The following C1orf21 variants were observed in gnomAD, a reference collection of about 807,000 sequenced individuals.
C1orf21 encodes the protein chromosome 1 open reading frame 21, also known as uncharacterized protein C1orf21.
Under a neutral mutation model 18.7 loss-of-function variants are expected in C1orf21, and 3 were observed. That is an observed-to-expected ratio of 0.16 (90% CI 0.07 to 0.42). C1orf21 has a LOEUF of 0.42. C1orf21 is among the 10% of genes least tolerant of loss of function. The pLI, the probability that C1orf21 is intolerant of heterozygous loss-of-function variation, is 0.99. For synonymous variants in C1orf21, 41 were observed against 46.4 expected, an observed-to-expected ratio of 0.88 and a Z score of 0.47; for missense variants, 104 against 143.6, an observed-to-expected ratio of 0.72 and a Z score of 1.41.
intron 5 of C1orf21, among the ~76,000 whole-genome samples, chr1:184,603,383 TCA>T (rs1298160693): frequency 6.6e-6 from 1 of 152,264 alleles, no homozygotes; most frequent in Non-Finnish European, 1.5e-5. Flanking sequence ...CTAGTGCATC[TCA>T]CATATTCCTG....
chr1:184,622,427 G>C lies in C1orf21; in HGVS notation c.*2871G>C, dbSNP rs1182447293. Reference sequence around the variant, plus strand: ...CTTATGTCCTCTGAGTTGTAGAGTTGTAAAAGTTCAGCAGTGTGTGCACAG... The same window carrying C: ...CTTATGTCCTCTGAGTTGTAGAGTTCTAAAAGTTCAGCAGTGTGTGCACAG... On this transcript the variant is annotated 3_prime_UTR_variant, in exon 6 of 6. Coordinates refer to ENST00000235307, the MANE Select transcript of C1orf21 (RefSeq NM_030806.4). The C allele has an allele frequency of 3.3e-5, 5 of 152,672 alleles. No individual in the cohort carries two copies. Among genetic ancestry groups the C allele is most frequent in the Admixed American group, 3.3e-4 (5 of 15,288 alleles). The allele number at this position is 152,672 out of a possible 1,614,324, so 9.5% of individuals were successfully genotyped here.
intron 3 of C1orf21, among the ~76,000 whole-genome samples, chr1:184,590,537 C>A (rs1427146501): frequency 6.6e-6 from 1 of 152,170 alleles, no homozygotes; most frequent in East Asian, 1.9e-4. Context: ...AAGCTAATTT[C>A]ACTTTTCATA....
At chr1:184,517,450 A>C (rs1282039860) in intron 3 of C1orf21, among the ~76,000 whole-genome samples, 2 of 152,230 alleles carry the variant, frequency 1.3e-5, no homozygotes, top group Non-Finnish European at 1.5e-5. Flanking sequence ...TTAGAGACCA[A>C]CTAATGCAAA....
chr1:184,619,644 A>G lies in C1orf21; in HGVS notation c.*88A>G. On this transcript the variant is annotated 3_prime_UTR_variant, in exon 6 of 6. Transcript: ENST00000235307. The stretch of plus-strand genomic sequence containing the variant: ...ATCTTTGCAAAGGTCGGTTCTATTC[A>G]GCGAACAGCACTATAGCAAAAGAAG... The G allele has an allele frequency of 4.1e-6, 5 of 1,217,438 alleles. No homozygotes were observed. In the South Asian group the frequency reaches 5.3e-5, roughly 13 times the overall value. 75.4% of individuals were successfully genotyped at this position (1,217,438 alleles called of 1,614,324 possible).
At chr1:184,404,207 A>G (rs1253427338) in intron 1 of C1orf21, among the ~76,000 whole-genome samples, 2 of 152,192 alleles carry the variant, frequency 1.3e-5, no homozygotes, top group Non-Finnish European at 2.9e-5. Flanking sequence ...ATCTGTCCCC[A>G]AAGCCTGTGT....
chr1:184,446,322 A>G (rs1476096111), intron 1 of C1orf21, among the ~76,000 whole-genome samples: 1 of 151,772 alleles, frequency 6.6e-6, no homozygotes, highest in Non-Finnish European at 1.5e-5. Context: ...TCCTTTTCCT[A>G]TTCTTCAGCC....
intron 3 of C1orf21, among the ~76,000 whole-genome samples, chr1:184,575,628 A>G (rs74576187): frequency 8.0e-6 from 1 of 125,042 alleles, no homozygotes; most frequent in Admixed American, 7.2e-5. Context: ...AAAAAAAAAA[A>G]AAAGAAGAAC....
intron 1 of C1orf21, among the ~76,000 whole-genome samples, chr1:184,426,278 T>C (rs1415009240): frequency 1.3e-5 from 2 of 152,218 alleles, no homozygotes. Flanking sequence ...TCATGATCAG[T>C]TCGTCTGCCA....
rs554490585 is a variant in C1orf21 at position 184,407,009 on chromosome 1, C to T, written c.-125+19641C>T. Reference sequence around the variant, plus strand: ...TAGAGACCGAGTCTTGCTCTGTCATCCAAACTGGAATACAGTGGCTCAATC... The same window carrying T: ...TAGAGACCGAGTCTTGCTCTGTCATTCAAACTGGAATACAGTGGCTCAATC... On this transcript the variant is annotated intron_variant, in intron 1 of 5. Coordinates refer to ENST00000235307, the MANE Select transcript of C1orf21 (RefSeq NM_030806.4). Among the ~76,000 whole-genome samples, 27 of 152,148 alleles carry T rather than the reference C, an allele frequency of 1.8e-4. 1 individual carries two copies. The South Asian group carries it at 5.6e-3, about 32-fold the overall frequency.
At chr1:184,491,114 A>G (rs1381022086) in intron 2 of C1orf21, among the ~76,000 whole-genome samples, 1 of 152,194 alleles carries the variant, frequency 6.6e-6, no homozygotes, top group Non-Finnish European at 1.5e-5. Flanking sequence ...AAAACACTTA[A>G]AATAATGCCT....
chr1:184,567,771 A>C, intron 3 of C1orf21: 1 of 268,544 alleles, frequency 3.7e-6, no homozygotes, highest in South Asian at 4.4e-5. Context: ...ACTGCATTAC[A>C]AGGAAGTTCA....
chr1:184,539,352 C>CAT (rs1208846705), intron 3 of C1orf21, among the ~76,000 whole-genome samples: 4 of 152,104 alleles, frequency 2.6e-5, no homozygotes, highest in Non-Finnish European at 4.4e-5. Flanking sequence ...CCCACTTGGT[C>CAT]ATGGTGTATA....
intron 2 of C1orf21, among the ~76,000 whole-genome samples, chr1:184,485,393 T>G (rs763513178): frequency 6.6e-6 from 1 of 152,222 alleles, no homozygotes; most frequent in Non-Finnish European, 1.5e-5. Context: ...ACCTGCTGCT[T>G]TTTATCTAAT....
At chr1:184,539,473 G>A (rs1389491415) in intron 3 of C1orf21, among the ~76,000 whole-genome samples, 1 of 152,040 alleles carries the variant, frequency 6.6e-6, no homozygotes, top group Non-Finnish European at 1.5e-5. Flanking sequence ...GTCTTTGTCT[G>A]GCTTCCGTAT....
intron 3 of C1orf21, among the ~76,000 whole-genome samples, chr1:184,513,080 A>G (rs1184874810): frequency 6.6e-6 from 1 of 152,182 alleles, no homozygotes; most frequent in Non-Finnish European, 1.5e-5. Flanking sequence ...TTTCATTCCA[A>G]AGCTCCACCC....
chr1:184,595,728 C>G (rs1436192680), intron 4 of C1orf21, among the ~76,000 whole-genome samples: 1 of 152,166 alleles, frequency 6.6e-6, no homozygotes, highest in Non-Finnish European at 1.5e-5. Context: ...TGACACACTT[C>G]CAGTGACAAT....
rs536598079 is a variant in C1orf21 at position 184,479,773 on chromosome 1, G to A, written c.94+2170G>A. Among the ~76,000 whole-genome samples, 7 of 151,646 alleles carry A rather than the reference G, an allele frequency of 4.6e-5. No individual in the cohort carries two copies. In the East Asian group the frequency reaches 7.7e-4, roughly 17 times the overall value. ...TAGCTTTGGGACTACAGGCACGTGC[G>A]CTCACACCTGGCTAATTTTTTATAT... On this transcript the variant is annotated intron_variant, in intron 2 of 5. Transcript: ENST00000235307.
chr1:184,424,664 C>G (rs1291821021), intron 1 of C1orf21, among the ~76,000 whole-genome samples: 3 of 152,186 alleles, frequency 2.0e-5, no homozygotes, highest in Non-Finnish European at 4.4e-5. Flanking sequence ...AGCCTTGCAA[C>G]AGCCCTCATT....
intron 2 of C1orf21, among the ~76,000 whole-genome samples, chr1:184,496,765 G>A (rs544866988): frequency 5.7e-4 from 87 of 152,274 alleles, no homozygotes; most frequent in African/African-American, 1.9e-3. Context: ...CCCAGTTTAC[G>A]TTTGGCTTGT....
Sources: allele counts gnomAD v4.1 joint callset (sites outside exome capture counted in the v4.1 genomes callset), GRCh38; gene constraint gnomAD v4.1.1; transcripts MANE v1.5; gene names NCBI Gene and HGNC (gene_info 2026-07-23, HGNC 2026-07-21).